PKNOX1: variants seen among roughly 807,000 people sequenced by gnomAD.
PKNOX1 encodes homeobox protein PKNOX1.
In PKNOX1, 15 loss-of-function variants were observed where a neutral mutation model predicts 51.9. That is an observed-to-expected ratio of 0.29 (90% CI 0.19 to 0.45). The LOEUF (loss-of-function observed/expected upper bound fraction) is 0.45. Ranked by LOEUF, PKNOX1 falls within the 20% of genes least tolerant of loss-of-function variation. The pLI, the probability that PKNOX1 is intolerant of heterozygous loss-of-function variation, is 1.00. For synonymous variants in PKNOX1, 219 were observed against 211.1 expected (o/e 1.04, Z -0.32); for missense variants, 462 against 547.5 (o/e 0.84, Z 1.56).
At chr21:43,004,740 A>G (rs1044667400) in intron 2 of PKNOX1, among the ~76,000 whole-genome samples, 1 of 152,164 alleles carries the variant, frequency 6.6e-6, no homozygotes, top group African/African-American at 2.4e-5. Context: ...GATTTTCATG[A>G]TGACAGATTC....
rs1978610086 is a variant in PKNOX1 at position 42,998,570 on chromosome 21, T to C, written c.-56-5756T>C. Among the ~76,000 whole-genome samples, 3 of 152,222 alleles carry C rather than the reference T, an allele frequency of 2.0e-5. No individual in the cohort carries two copies. In the South Asian group the frequency reaches 6.2e-4, roughly 32 times the overall value. On this transcript the variant is annotated intron_variant, in intron 1 of 10. Transcript: ENST00000291547. ...ATGAGCCTGTAAAATCAAAAGCGGGTTAGTTACTTCCTAAATACAGTGGGG... is the reference window on the plus strand; with the variant it reads ...ATGAGCCTGTAAAATCAAAAGCGGGCTAGTTACTTCCTAAATACAGTGGGG...
Position 43,018,113 on chromosome 21 carries a change from T to C in PKNOX1, c.623-20T>C, listed in dbSNP as rs1389779610. On this transcript the variant is annotated intron_variant, in intron 6 of 10. Transcript: ENST00000291547. Reference sequence around the variant, plus strand: ...ATTGAGACTTAAAAGCAGCCTCATATTTTTATTCTCCCTTTCGAGGTGGCA... The same window carrying C: ...ATTGAGACTTAAAAGCAGCCTCATACTTTTATTCTCCCTTTCGAGGTGGCA... 5 of 1,398,718 alleles carry C rather than the reference T, an allele frequency of 3.6e-6. No individual in the cohort carries two copies. Among genetic ancestry groups the C allele is most frequent in the Non-Finnish European group, 5.1e-6 (5 of 986,400 alleles). The allele number at this position is 1,398,718 out of a possible 1,614,324, so 86.6% of individuals were successfully genotyped here. A position where few individuals can be genotyped will look rare whatever the true frequency, so the allele number is the denominator to read the frequency against.
chr21:43,016,978 A>G lies in PKNOX1; in HGVS notation c.593A>G (p.Gln198Arg), dbSNP rs1388767764. Reference sequence around the variant, plus strand: ...GTGGTGCCGGCGTCCGCGCTGCAGCAGGGAAACGTAGCCATGGCGACGGTG... The same window carrying G: ...GTGGTGCCGGCGTCCGCGCTGCAGCGGGGAAACGTAGCCATGGCGACGGTG... Reference protein sequence around the residue: ...GIVVPASALQQGNVAMATVAG... With the variant: ...GIVVPASALQRGNVAMATVAG... Residue 198 changes from glutamine (Q) to arginine (R), a missense_variant, in exon 6 of 11, where the codon CAG becomes CGG. Coordinates refer to ENST00000291547, the MANE Select transcript of PKNOX1 (RefSeq NM_004571.5). The G allele has an allele frequency of 1.2e-6, 2 of 1,612,746 alleles. No homozygotes were observed. The highest frequency in any genetic ancestry group is 1.7e-6 in the Non-Finnish European group (2 of 1,179,724).
intron 1 of PKNOX1, among the ~76,000 whole-genome samples, chr21:42,982,452 G>A (rs544063089): frequency 6.6e-6 from 1 of 152,244 alleles, no homozygotes; most frequent in East Asian, 1.9e-4. Flanking sequence ...GCATAAGGCC[G>A]GGTGCAGTGG....
chr21:42,991,572 A>G (rs1374499495), intron 1 of PKNOX1, among the ~76,000 whole-genome samples: 7 of 152,064 alleles, frequency 4.6e-5, no homozygotes, highest in Non-Finnish European at 7.4e-5. Flanking sequence ...TAAAAATTCA[A>G]AAAAATTTAG....
chr21:43,010,273 C>T (rs1231527686), intron 4 of PKNOX1, 49 bp downstream of exon 4: 6 of 1,144,500 alleles, frequency 5.2e-6, no homozygotes, highest in Non-Finnish European at 3.7e-6. Context: ...GAAATCTGTT[C>T]ATGAAATTTT....
In PKNOX1 at chr21:43,032,331, G is replaced by GTCTCTTCGTCCCTCACCACCCTCCC; in HGVS notation, c.*2238_*2239insTCCCTCACCACCCTCCCTCTCTTCG. Reference sequence around the variant, plus strand: ...CTTCCTCCTTCCCTCACCACCCTCCGTCTCTTCGGCTGCTTGCTCTTTAGT... The same window carrying GTCTCTTCGTCCCTCACCACCCTCCC: ...CTTCCTCCTTCCCTCACCACCCTCCGTCTCTTCGTCCCTCACCACCCTCCCTCTCTTCGGCTGCTTGCTCTTTAGT... On this transcript the variant is annotated 3_prime_UTR_variant, in exon 11 of 11. Transcript: ENST00000291547. 2.5e-6 allele frequency: 1 copy of GTCTCTTCGTCCCTCACCACCCTCCC among 406,018 alleles called. No individual in the cohort carries two copies. 25.2% of individuals were successfully genotyped at this position (406,018 alleles called of 1,614,324 possible). A position where few individuals can be genotyped will look rare whatever the true frequency, so the allele number is the denominator to read the frequency against.
At chr21:43,002,323 G>A (rs1288290433) in intron 1 of PKNOX1, among the ~76,000 whole-genome samples, 3 of 152,060 alleles carry the variant, frequency 2.0e-5, no homozygotes, top group African/African-American at 7.2e-5. Context: ...CCCCTCCCAG[G>A]CCACAGAAGC....
intron 10 of PKNOX1, 51 bp from the exon 11 acceptor site, chr21:43,029,839 T>C (rs1182585890): frequency 2.2e-5 from 33 of 1,509,416 alleles, no homozygotes; most frequent in Non-Finnish European, 2.8e-5. Context: ...TAATAAAGTG[T>C]TTTTCTGTGA....
At chr21:43,012,966 A>C in intron 4 of PKNOX1, 102 bp from the exon 5 acceptor site, 19 of 875,940 alleles carry the variant, frequency 2.2e-5, no homozygotes, top group Non-Finnish European at 2.8e-5. Context: ...TATTGGCAGT[A>C]GAGATGGTTC....
chr21:43,027,550 C>A (rs1426017980), intron 9 of PKNOX1, among the ~76,000 whole-genome samples: 1 of 152,150 alleles, frequency 6.6e-6, no homozygotes, highest in South Asian at 2.1e-4. Flanking sequence ...AAGACAGCAG[C>A]CTTTAATCTT....
chr21:42,996,787 T>C (rs1200505922), intron 1 of PKNOX1, among the ~76,000 whole-genome samples: 1 of 152,134 alleles, frequency 6.6e-6, no homozygotes, highest in African/African-American at 2.4e-5. Context: ...AGGCTGGTCT[T>C]GAACTCCTGG....
At chr21:42,979,940 G>C (rs2059018272) in intron 1 of PKNOX1, among the ~76,000 whole-genome samples, 1 of 152,152 alleles carries the variant, frequency 6.6e-6, no homozygotes. Flanking sequence ...AGTATGACTT[G>C]TTTCAAAGAT....
chr21:42,994,031 CTTTTTTT>C (rs34173115), intron 1 of PKNOX1, among the ~76,000 whole-genome samples: 1 of 93,296 alleles, frequency 1.1e-5, no homozygotes, highest in Non-Finnish European at 2.0e-5. Flanking sequence ...CGCGCCCAGC[CTTTTTTT>C]TTTTTTTTTT....
chr21:42,997,073 G>A (rs918232752), intron 1 of PKNOX1, among the ~76,000 whole-genome samples: 11 of 152,070 alleles, frequency 7.2e-5, no homozygotes, highest in African/African-American at 2.4e-4. Flanking sequence ...TAGAGATGGG[G>A]TTTCGCTATT....
In PKNOX1 at chr21:43,018,172, A is replaced by G; in HGVS notation, c.662A>G (p.Gln221Arg). 2 of 1,613,168 alleles carry G rather than the reference A, an allele frequency of 1.2e-6. No individual in the cohort carries two copies. The highest frequency in any genetic ancestry group is 1.7e-6 in the Non-Finnish European group (2 of 1,179,578). ...CAGCCTGTCACGGTCGTCACTCCCC[A>G]AGGCCAAGTGGTCACACAGACATTG... ...VYQPVTVVTP[Q>R]GQVVTQTLSP... The change falls in exon 7 of 11, where the codon CAA (glutamine) becomes CGA (arginine). Residue 221 changes from glutamine to arginine, a missense_variant. Gln to Arg is a conservative substitution (Grantham distance 43). This residue lies in a region of PKNOX1 where 126 missense variants were observed against 128.1 expected (regional missense o/e 0.98). Coordinates refer to ENST00000291547, the MANE Select transcript of PKNOX1 (RefSeq NM_004571.5).
In PKNOX1 at chr21:42,990,822, C is replaced by T. The variant is rs377375422; in HGVS notation, c.-56-13504C>T. On this transcript the variant is annotated intron_variant, in intron 1 of 10. Coordinates refer to ENST00000291547, the MANE Select transcript of PKNOX1 (RefSeq NM_004571.5). ...TGATAGGAGGAGTGTGAGCTAAACG[C>T]AATGAACTGGGGGAAACTTAGCAAG... Among the ~76,000 whole-genome samples, 8 of 152,238 alleles carry T rather than the reference C, an allele frequency of 5.3e-5. No homozygotes were observed. In the South Asian group the frequency reaches 6.2e-4, roughly 12 times the overall value.
chr21:43,022,423 G>T (rs1298549777), intron 8 of PKNOX1, among the ~76,000 whole-genome samples: 1 of 152,200 alleles, frequency 6.6e-6, no homozygotes, highest in African/African-American at 2.4e-5. Flanking sequence ...TGAGGATAGG[G>T]TCCATGGGAG....
chr21:43,020,133 A>C (rs539319095), intron 7 of PKNOX1, among the ~76,000 whole-genome samples: 2 of 151,650 alleles, frequency 1.3e-5, no homozygotes, highest in Non-Finnish European at 1.5e-5. Context: ...GGGTCTCACT[A>C]TGTTGCCCAT....
Sources: allele counts gnomAD v4.1 joint callset (sites outside exome capture counted in the v4.1 genomes callset), GRCh38; gene constraint gnomAD v4.1.1; regional missense constraint gnomAD v4.1.1; transcripts MANE v1.5; gene names NCBI Gene and HGNC (gene_info 2026-07-23, HGNC 2026-07-21).